Variants in ATP6V0D2 observed in about 807,000 individuals in gnomAD.
ATP6V0D2 encodes the protein ATPase H+ transporting V0 subunit d2.
ATP6V0D2 carries 40 observed loss-of-function variants against 40.0 expected under a neutral mutation model. The ratio of observed to expected loss-of-function variants is 1.00; its 90% CI spans 0.78 to 1.30. ATP6V0D2 has a LOEUF of 1.30. ATP6V0D2 is among the 50% of genes most tolerant of loss of function. ATP6V0D2 has a pLI of 0.00. For synonymous variants in ATP6V0D2, 179 were observed against 156.3 expected (o/e 1.15, Z -1.08); for missense variants, 470 against 423.1 (o/e 1.11, Z -0.97).
At chr8:86,105,607 TTC>T (rs960169645) in intron 1 of ATP6V0D2, among the ~76,000 whole-genome samples, 3 of 126,316 alleles carry the variant, frequency 2.4e-5, no homozygotes, top group African/African-American at 8.5e-5. Context: ...GCCTGTAAAC[TTC>T]TTTTTTCTTT....
rs781571583 is a variant in ATP6V0D2, at chr8:86,141,525, A to G, written c.557A>G (p.Tyr186Cys). ...ATTGAATTGCTACGCAATAAACTAT[A>G]CAAGGTAATGGTTTTCCCAAATATT... ...LNIELLRNKL[Y>C]KSYLEAFYKF... The change falls in exon 4 of 8, where the codon TAC becomes TGC. Residue 186 changes from tyrosine (Y) to cysteine (C), a missense_variant. Tyr to Cys is a radical substitution (Grantham distance 194, BLOSUM62 -2). Transcript: ENST00000285393. 6.3e-7 allele frequency: 1 copy of G among 1,592,238 alleles called. No individual in the cohort carries two copies. Among genetic ancestry groups the G allele is most frequent in the Admixed American group, 1.7e-5 (1 of 59,386 alleles).
intron 2 of ATP6V0D2, among the ~76,000 whole-genome samples, chr8:86,137,647 T>G (rs1293413979): frequency 6.6e-6 from 1 of 152,162 alleles, no homozygotes; most frequent in Non-Finnish European, 1.5e-5. Flanking sequence ...TGCAACCTCC[T>G]CTTCCCCTAA....
chr8:86,150,985 G>C (rs139750365), intron 6 of ATP6V0D2, among the ~76,000 whole-genome samples: 3 of 152,176 alleles, frequency 2.0e-5, no homozygotes. Context: ...GTCAGCAAAT[G>C]CGTAACCCTT....
chr8:86,127,677 G>A (rs375640144), intron 2 of ATP6V0D2, among the ~76,000 whole-genome samples: 71 of 152,232 alleles, frequency 4.7e-4, no homozygotes, highest in African/African-American at 1.6e-3. Flanking sequence ...GCCTGCCTTG[G>A]CTTCCCAAAG....
intron 5 of ATP6V0D2, among the ~76,000 whole-genome samples, chr8:86,148,648 A>G (rs1325974924): frequency 2.0e-5 from 3 of 152,208 alleles, no homozygotes; most frequent in Non-Finnish European, 2.9e-5. Flanking sequence ...CTACTGAGCC[A>G]TAAAATATTG....
chr8:86,128,666 A>G (rs1818777945), intron 2 of ATP6V0D2, among the ~76,000 whole-genome samples: 1 of 152,262 alleles, frequency 6.6e-6, no homozygotes, highest in Admixed American at 6.5e-5. Flanking sequence ...AGGAAACATC[A>G]TATAAAATAA....
intron 5 of ATP6V0D2, among the ~76,000 whole-genome samples, chr8:86,145,374 G>GAAGGAAGGAAAGA: frequency 1.3e-5 from 1 of 79,246 alleles, no homozygotes; most frequent in Middle Eastern, 7.2e-3. Context: ...AGGAAGGAAG[G>GAAGGAAGGAAAGA]AAAGAAAAGA....
chr8:86,101,358 G>A (rs7004372), intron 1 of ATP6V0D2, among the ~76,000 whole-genome samples: 3,229 of 150,850 alleles, frequency 0.021, 131 homozygotes, highest in African/African-American at 0.073. Context: ...TGCTTGGGAG[G>A]CTGTGGCAGG....
chr8:86,132,915 A>G (rs774202066), intron 2 of ATP6V0D2, among the ~76,000 whole-genome samples: 8 of 152,166 alleles, frequency 5.3e-5, no homozygotes, highest in Non-Finnish European at 7.4e-5. Context: ...TGTTTTCCAC[A>G]GTACTTGTAC....
At chr8:86,135,234 C>A (rs557372738) in intron 2 of ATP6V0D2, among the ~76,000 whole-genome samples, 3 of 152,226 alleles carry the variant, frequency 2.0e-5, no homozygotes, top group East Asian at 1.9e-4. Context: ...TCTAACTTAC[C>A]AAATTATGGC....
intron 2 of ATP6V0D2, among the ~76,000 whole-genome samples, chr8:86,118,494 GC>G (rs1322020763): frequency 2.0e-5 from 3 of 152,102 alleles, no homozygotes; most frequent in African/African-American, 7.2e-5. Context: ...GAAAGAAGAT[GC>G]CAGGATTACT....
At chr8:86,126,026 C>T (rs1586093715) in intron 2 of ATP6V0D2, among the ~76,000 whole-genome samples, 1 of 149,952 alleles carries the variant, frequency 6.7e-6, no homozygotes, top group Non-Finnish European at 1.5e-5. Context: ...CAACCTCCAC[C>T]TCCTGAGTTT....
intron 1 of ATP6V0D2, among the ~76,000 whole-genome samples, chr8:86,103,070 A>G (rs772837450): frequency 1.3e-5 from 2 of 152,080 alleles, no homozygotes; most frequent in Non-Finnish European, 2.9e-5. Context: ...ACATATGACA[A>G]CAGTGTCCAC....
At chr8:86,150,370 G>T (rs921960848) in intron 6 of ATP6V0D2, 82 bp downstream of exon 6, 2 of 1,343,464 alleles carry the variant, frequency 1.5e-6, no homozygotes, top group Non-Finnish European at 2.1e-6. Flanking sequence ...TCAAATTTCC[G>T]CTTATACTCA....
rs564842758 is a variant in ATP6V0D2 at position 86,151,397 on chromosome 8, G to A, written c.817-69G>A. On this transcript the variant is annotated intron_variant, in intron 6 of 7. Transcript: ENST00000285393. The stretch of plus-strand genomic sequence containing the variant: ...TAGGTACACAATTTCTATAATGCTA[G>A]GAAAAATATATTTATATACATTTAT... The A allele has an allele frequency of 6.9e-4, 743 of 1,078,830 alleles. 5 individuals carry two copies. The Middle Eastern group carries it at 0.012, about 17-fold the overall frequency. The allele number at this position is 1,078,830 out of a possible 1,614,324, so 66.8% of individuals were successfully genotyped here.
intron 2 of ATP6V0D2, among the ~76,000 whole-genome samples, chr8:86,133,214 ACAGCC>A (rs1414298321): frequency 6.6e-6 from 1 of 151,506 alleles, no homozygotes; most frequent in African/African-American, 2.4e-5. Flanking sequence ...AGAAAATCTT[ACAGCC>A]CAGAAAGCCA....
intron 2 of ATP6V0D2, among the ~76,000 whole-genome samples, chr8:86,116,609 G>A (rs577114208): frequency 3.3e-5 from 5 of 151,810 alleles, no homozygotes; most frequent in African/African-American, 9.7e-5. Context: ...TATTTTTTCC[G>A]CTTACAAAAA....
rs1178831309 is a variant in ATP6V0D2 at position 86,152,908 on chromosome 8, T to C, written c.984T>C (p.Ile328=). Residue 328 remains isoleucine, a synonymous_variant, in exon 8 of 8, where the codon ATT becomes ATC. Transcript: ENST00000285393. ...TGAAGGAACAGGAAATTAGAAATAT[T>C]GTGTGGATAGCAGAATGTATTTCAC... is the stretch of plus-strand genomic sequence containing the variant. The part of the protein sequence containing the change: ...VKLKEQEIRN[I]VWIAECISQR... The C allele has an allele frequency of 1.2e-6, 2 of 1,612,404 alleles. No homozygotes were observed. Among genetic ancestry groups the C allele is most frequent in the Non-Finnish European group, 1.7e-6 (2 of 1,179,378 alleles).
intron 6 of ATP6V0D2, among the ~76,000 whole-genome samples, chr8:86,151,114 C>T (rs1563568158): frequency 6.6e-6 from 1 of 152,158 alleles, no homozygotes; most frequent in Admixed American, 6.5e-5. Flanking sequence ...ATTTTCATCT[C>T]AAAGAACCAT....
Sources: allele counts gnomAD v4.1 joint callset (sites outside exome capture counted in the v4.1 genomes callset), GRCh38; gene constraint gnomAD v4.1.1; transcripts MANE v1.5; gene names NCBI Gene and HGNC (gene_info 2026-07-23, HGNC 2026-07-21).